Variants in STAG2 observed in about 807,000 individuals in gnomAD.
STAG2 encodes the protein cohesin subunit SA-2.
STAG2 carries 14 observed loss-of-function variants against 108.1 expected under a neutral mutation model. The observed-to-expected ratio is 0.13, with a 90% CI of 0.09 to 0.20. The LOEUF is 0.20. Ranked by LOEUF, STAG2 falls within the 10% of genes least tolerant of loss-of-function variation. The probability of loss-of-function intolerance (pLI) is 1.00; values close to 1 mark genes in which losing one functional copy is unlikely to be tolerated. For synonymous variants in STAG2, 307 were observed against 302.7 expected (o/e 1.01, Z -0.15); for missense variants, 440 against 940.9 (o/e 0.47, Z 6.96).
At chrX:123,971,200 C>T (rs969165896) in intron 1 of STAG2, among the ~76,000 whole-genome samples, 1 of 111,926 alleles carries the variant, frequency 8.9e-6, no homozygotes, top group African/African-American at 3.3e-5. Context: ...GAGGCCGAGG[C>T]AGGTGGACCA....
At chrX:124,097,539 A>ACAC (rs1385728743) in intron 34 of STAG2, among the ~76,000 whole-genome samples, 2 of 111,793 alleles carry the variant, frequency 1.8e-5, no homozygotes, top group Admixed American at 9.5e-5. Context: ...AGCGAATAAG[A>ACAC]CACTCCCTGT....
chrX:124,084,049 C>T (rs1010376419), intron 29 of STAG2, among the ~76,000 whole-genome samples: 10 of 111,862 alleles, frequency 8.9e-5, no homozygotes, highest in Non-Finnish European at 1.5e-4. Flanking sequence ...CTGGTTTAGT[C>T]TCCAATAATA....
chrX:124,012,127 A>G (rs1322326074), intron 1 of STAG2, among the ~76,000 whole-genome samples: 1 of 111,909 alleles, frequency 8.9e-6, no homozygotes, highest in East Asian at 2.8e-4. Flanking sequence ...ACAGTCTTGC[A>G]TTTCAGCAAT....
At chrX:124,085,340 A>G (rs2059072596) in intron 29 of STAG2, among the ~76,000 whole-genome samples, 1 of 111,530 alleles carries the variant, frequency 9.0e-6, no homozygotes, top group Non-Finnish European at 1.9e-5. Context: ...TGGTGGGTAC[A>G]TAATTGTAAA....
chrX:123,994,921 G>A (rs753946121), intron 1 of STAG2, among the ~76,000 whole-genome samples: 3 of 112,194 alleles, frequency 2.7e-5, no homozygotes, highest in East Asian at 5.6e-4. Context: ...TATTACTTGC[G>A]TAAGTATTTT....
intron 32 of STAG2, among the ~76,000 whole-genome samples, chrX:124,092,821 A>C (rs1396198254): frequency 8.9e-6 from 1 of 112,361 alleles, no homozygotes; most frequent in Non-Finnish European, 1.9e-5. Flanking sequence ...CATAGTTCAT[A>C]CAGCACATAT....
At chrX:123,973,110 C>G (rs1359701009) in intron 1 of STAG2, among the ~76,000 whole-genome samples, 2 of 110,154 alleles carry the variant, frequency 1.8e-5, no homozygotes, top group African/African-American at 6.6e-5. Flanking sequence ...ATTTTAAATA[C>G]TATATTGCTG....
chrX:123,966,586 G>A (rs1017593161), intron 1 of STAG2, among the ~76,000 whole-genome samples: 14 of 111,646 alleles, frequency 1.3e-4, no homozygotes, highest in African/African-American at 4.6e-4. Context: ...TGGTTATTGC[G>A]TGTTCTGATT....
intron 1 of STAG2, among the ~76,000 whole-genome samples, chrX:124,007,790 C>T (rs12844878): frequency 0.051 from 5,731 of 111,913 alleles, 133 homozygotes; most frequent in African/African-American, 0.072. Context: ...TATTAAGTAG[C>T]AGACCTAACA....
At chrX:124,071,390 T>C (rs1475828989) in intron 25 of STAG2, 67 bp downstream of exon 25, 40 of 841,626 alleles carry the variant, frequency 4.8e-5, no homozygotes, top group Non-Finnish European at 6.5e-5. Flanking sequence ...GTAACAATGA[T>C]GTACATCGGT....
chrX:123,997,143 G>A (rs2055770468), intron 1 of STAG2, among the ~76,000 whole-genome samples: 1 of 111,782 alleles, frequency 8.9e-6, no homozygotes, highest in Admixed American at 9.5e-5. Flanking sequence ...TTTATAGAAA[G>A]CCTTGACATC....
intron 29 of STAG2, 116 bp downstream of exon 29, chrX:124,083,665 A>G (rs897186356): frequency 4.2e-5 from 24 of 576,632 alleles, no homozygotes; most frequent in Non-Finnish European, 6.0e-5. Context: ...GCATTAATAC[A>G]CAAAAAAGTT....
intron 1 of STAG2, among the ~76,000 whole-genome samples, chrX:123,965,923 C>T (rs988552872): frequency 1.7e-4 from 18 of 108,250 alleles, no homozygotes; most frequent in Admixed American, 5.0e-4. Context: ...CACCTGAGCC[C>T]GGTACATAGA....
At chrX:124,016,937 C>G (rs1318370391) in intron 1 of STAG2, among the ~76,000 whole-genome samples, 1 of 111,478 alleles carries the variant, frequency 9.0e-6, no homozygotes, top group East Asian at 2.8e-4. Context: ...TATACATTTC[C>G]TGGATGTGAT....
At chrX:124,014,916 T>G (rs1239678925) in intron 1 of STAG2, among the ~76,000 whole-genome samples, 6 of 109,326 alleles carry the variant, frequency 5.5e-5, no homozygotes, top group Non-Finnish European at 1.1e-4. Context: ...CAAGAAACTT[T>G]TAGGTTAAGA....
At chrX:124,091,660 C>T (rs897972691) in intron 32 of STAG2, among the ~76,000 whole-genome samples, 2 of 112,316 alleles carry the variant, frequency 1.8e-5, no homozygotes, top group African/African-American at 6.5e-5. Flanking sequence ...TATGTATATC[C>T]ATATTTCTTA....
chrX:124,052,559 A>T (rs1224532559), intron 13 of STAG2, among the ~76,000 whole-genome samples: 1 of 111,315 alleles, frequency 9.0e-6, no homozygotes, highest in Non-Finnish European at 1.9e-5. Flanking sequence ...TTATTTATCC[A>T]TTTTTGCATT....
intron 4 of STAG2, among the ~76,000 whole-genome samples, chrX:124,030,190 T>C (rs2148056603): frequency 8.9e-6 from 1 of 111,961 alleles, no homozygotes; most frequent in Admixed American, 9.5e-5. Context: ...AGGTACATAT[T>C]TGATAATGAG....
chrX:124,072,538 T>G (rs1188241086), intron 25 of STAG2, among the ~76,000 whole-genome samples: 1 of 111,138 alleles, frequency 9.0e-6, no homozygotes, highest in Non-Finnish European at 1.9e-5. Context: ...ATTGGCTTAG[T>G]TATGCTTTTG....
Sources: gnomAD v4.1 joint callset for allele counts (sites outside exome capture counted in the v4.1 genomes callset) on GRCh38, gnomAD v4.1.1 for gene constraint, MANE v1.5 for transcripts, NCBI Gene and HGNC (gene_info 2026-07-23, HGNC 2026-07-21) for gene names.